IL31RA: variants seen among roughly 807,000 people sequenced by gnomAD.
IL31RA encodes the protein interleukin-31 receptor subunit alpha.
Under a neutral mutation model 83.7 loss-of-function variants are expected in IL31RA, and 66 were observed. The ratio of observed to expected loss-of-function variants is 0.79; its 90% CI spans 0.65 to 0.97. The LOEUF is 0.97. Among genes scored for constraint, IL31RA ranks in the 50% least tolerant of loss-of-function variants. The pLI, the probability that IL31RA is intolerant of heterozygous loss-of-function variation, is 0.00. For synonymous variants in IL31RA, 325 were observed against 329.0 expected (o/e 0.99, Z 0.13); for missense variants, 798 against 919.4 (o/e 0.87, Z 1.71).
rs1172512132 is a variant in IL31RA at position 55,867,245 on chromosome 5, TTG to T, written c.155-1539_155-1538del. ...TTTGTGTGTGTGTTTGTGTGTGTGT[TTG>T]TGTGTGCGTGTGTTTGTGTGCGTGT... On this transcript the variant is annotated intron_variant, in intron 2 of 14. Transcript: ENST00000652347. 1.6e-3 allele frequency among the ~76,000 whole-genome samples: 66 copies of T among 40,114 alleles called. 1 individual carries two copies. The highest frequency in any genetic ancestry group is 2.6e-3 in the Non-Finnish European group (52 of 19,928). The allele number at this position is 40,114 out of a possible 152,430, so 26.3% of individuals were successfully genotyped here. A position where few individuals can be genotyped will look rare whatever the true frequency, so the allele number is the denominator to read the frequency against.
intron 2 of IL31RA, among the ~76,000 whole-genome samples, chr5:55,864,935 G>A (rs1561541120): frequency 6.6e-6 from 1 of 151,984 alleles, no homozygotes; most frequent in Non-Finnish European, 1.5e-5. Flanking sequence ...CACTGTACAC[G>A]CACTGCCCTT....
intron 2 of IL31RA, among the ~76,000 whole-genome samples, chr5:55,867,267 GCGTGTGTGTGCATGTGTGTGTGCA>G (rs1746210312): frequency 1.7e-4 from 2 of 12,018 alleles, no homozygotes; most frequent in African/African-American, 8.8e-4. Context: ...GTGTTTGTGT[GCGTGTGTGTGCATGTGTGTGTGCA>G]TGTGTGTGTG....
intron 1 of IL31RA, 93 bp from the exon 2 acceptor site, chr5:55,859,416 C>G (rs1745537799): frequency 1.1e-6 from 1 of 905,872 alleles, no homozygotes; most frequent in East Asian, 2.4e-5. Context: ...ATCCTTCCTC[C>G]TTCCAAAATC....
chr5:55,886,962 C>T (rs1041000778), intron 5 of IL31RA, among the ~76,000 whole-genome samples: 1 of 152,230 alleles, frequency 6.6e-6, no homozygotes, highest in Admixed American at 6.5e-5. Flanking sequence ...TCAACTTTCT[C>T]TTCCAGTTAC....
rs1156899610 is a variant in IL31RA at position 55,872,286 on chromosome 5, CATG to C, written c.292_294del (p.Asp98del). On this transcript the variant is annotated inframe_deletion, in exon 4 of 15. Coordinates refer to ENST00000652347, the MANE Select transcript of IL31RA (RefSeq NM_139017.7). ...CTTTCAAAGCGCTTTTGGAGAAAAA[CATG>C]ATAATTGTACAACCAATAGTTCTAC... is the stretch of plus-strand genomic sequence containing the variant. The C allele has an allele frequency of 3.1e-6, 5 of 1,613,098 alleles. No individual in the cohort carries two copies. Among genetic ancestry groups the C allele is most frequent in the East Asian group, 2.2e-5 (1 of 44,832 alleles).
intron 4 of IL31RA, among the ~76,000 whole-genome samples, chr5:55,882,417 A>G (rs1353997162): frequency 1.3e-5 from 2 of 152,242 alleles, no homozygotes; most frequent in African/African-American, 2.4e-5. Context: ...TTGTTAGAAG[A>G]TAATGCAAAT....
At position 55,896,398 on chromosome 5, in the gene IL31RA, A is replaced by C. The variant is rs769526670; in HGVS notation, c.821A>C (p.Asp274Ala). 21 of 1,613,588 alleles carry C rather than the reference A, an allele frequency of 1.3e-5. No individual in the cohort carries two copies. In the Admixed American group the frequency reaches 1.8e-4, roughly 14 times the overall value. The stretch of plus-strand genomic sequence containing the variant: ...AGAGTCCTGAAACCAGCTGAGGCGG[A>C]TGGAAGAAGGCCAGTGCGGTTGTTA... ...LWRVLKPAEA[D>A]GRRPVRLLWK... Residue 274 changes from aspartate to alanine, a missense_variant, in exon 7 of 15, where the codon GAT becomes GCT. Transcript: ENST00000652347.
intron 8 of IL31RA, among the ~76,000 whole-genome samples, chr5:55,901,614 ATT>A (rs1430933349): frequency 1.3e-5 from 2 of 148,690 alleles, no homozygotes; most frequent in Non-Finnish European, 3.0e-5. Flanking sequence ...TATTATTATT[ATT>A]ATTATTATTA....
At position 55,910,675 on chromosome 5, in the gene IL31RA, G is replaced by A. The variant is rs754538292; in HGVS notation, c.1642+3G>A. The A allele has an allele frequency of 6.8e-6, 11 of 1,613,996 alleles. No individual in the cohort carries two copies. The highest frequency in any genetic ancestry group is 8.5e-6 in the Non-Finnish European group (10 of 1,179,982). ...AAATTTCAAGACATTGTCATTCAGTGAGTATTTCCTTCAAGCCTTAGGTAC... is the reference window on the plus strand; with the variant it reads ...AAATTTCAAGACATTGTCATTCAGTAAGTATTTCCTTCAAGCCTTAGGTAC... On this transcript the variant is annotated splice_donor_region_variant and intron_variant, in intron 12 of 14. Coordinates refer to ENST00000652347, the MANE Select transcript of IL31RA (RefSeq NM_139017.7).
intron 2 of IL31RA, among the ~76,000 whole-genome samples, chr5:55,867,290 CAT>C (rs1491380980): frequency 9.0e-3 from 188 of 20,926 alleles, no homozygotes; most frequent in Non-Finnish European, 7.5e-3. Context: ...TGTGTGTGTG[CAT>C]GTGTGTGTGT....
chr5:55,907,532 G>A, intron 10 of IL31RA, 72 bp downstream of exon 10: 1 of 993,104 alleles, frequency 1.0e-6, no homozygotes, highest in South Asian at 1.3e-5. Flanking sequence ...AAGGCTGCAA[G>A]TGCCTGTAGC....
chr5:55,898,120 G>A (rs1561109706), intron 7 of IL31RA, among the ~76,000 whole-genome samples: 1 of 152,234 alleles, frequency 6.6e-6, no homozygotes. Flanking sequence ...GTCTTTCTCA[G>A]CCATCAAGTA....
chr5:55,875,514 T>A (rs964081000), intron 4 of IL31RA, among the ~76,000 whole-genome samples: 1 of 152,184 alleles, frequency 6.6e-6, no homozygotes, highest in East Asian at 1.9e-4. Flanking sequence ...AGTTTTTGAC[T>A]TGGTTTCTTT....
In IL31RA at chr5:55,900,118, C is replaced by T. The variant is rs1748723042; in HGVS notation, c.1055C>T (p.Ala352Val). 6.2e-7 allele frequency: 1 copy of T among 1,612,326 alleles called. No homozygotes were observed. Among genetic ancestry groups the T allele is most frequent in the Non-Finnish European group, 8.5e-7 (1 of 1,178,326 alleles). ...KSPVATLRIPAIQEKSFQCIE... is the reference protein window; with the variant it reads ...KSPVATLRIPVIQEKSFQCIE... ...CCAGTGGCCACCCTGAGGATTCCAG[C>T]TATTCAAGAAAAATGTAAGTAGAGC... The change falls in exon 8 of 15, where the codon GCT becomes GTT. Residue 352 changes from alanine (A) to valine (V), a missense_variant. Physicochemically the swap from Ala to Val is moderately conservative, Grantham distance 64. Transcript: ENST00000652347.
intron 14 of IL31RA, among the ~76,000 whole-genome samples, chr5:55,916,279 C>T (rs1232518733): frequency 6.6e-6 from 1 of 151,610 alleles, no homozygotes; most frequent in African/African-American, 2.4e-5. Context: ...ACTCAGGAAG[C>T]TGAGGGGGAA....
At chr5:55,852,464 G>A (rs867830063) in intron 1 of IL31RA, among the ~76,000 whole-genome samples, 3 of 152,140 alleles carry the variant, frequency 2.0e-5, no homozygotes, top group Admixed American at 6.5e-5. Context: ...GAGCCACCAC[G>A]CCTGGCTGGA....
At chr5:55,885,555 TGCACAG>T (rs1487140799) in intron 5 of IL31RA, among the ~76,000 whole-genome samples, 2 of 152,182 alleles carry the variant, frequency 1.3e-5, no homozygotes, top group Non-Finnish European at 2.9e-5. Context: ...ATTCTCCCAG[TGCACAG>T]GCGGGTCCCC....
intron 11 of IL31RA, among the ~76,000 whole-genome samples, chr5:55,909,988 G>A (rs987664476): frequency 3.2e-4 from 48 of 152,330 alleles, no homozygotes; most frequent in African/African-American, 1.2e-3. Flanking sequence ...ACAGGCATGA[G>A]CCACTGCGCC....
chr5:55,915,608 A>G (rs936409691), intron 14 of IL31RA, among the ~76,000 whole-genome samples: 1 of 152,142 alleles, frequency 6.6e-6, no homozygotes, highest in Non-Finnish European at 1.5e-5. Flanking sequence ...TTGATGCACA[A>G]ATTTTAAATA....
Sources: allele counts gnomAD v4.1 joint callset (sites outside exome capture counted in the v4.1 genomes callset), GRCh38; gene constraint gnomAD v4.1.1; transcripts MANE v1.5; gene names NCBI Gene and HGNC (gene_info 2026-07-23, HGNC 2026-07-21).